The following RFTN2 variants were observed in gnomAD, a reference collection of about 807,000 sequenced individuals.
RFTN2 encodes raftlin-2.
In RFTN2, 34 loss-of-function variants were observed where a neutral mutation model predicts 52.7. The ratio of observed to expected loss-of-function variants is 0.64; its 90% CI spans 0.49 to 0.86. The LOEUF (loss-of-function observed/expected upper bound fraction) is 0.86. Among genes scored for constraint, RFTN2 ranks in the 40% least tolerant of loss-of-function variants. The pLI is 0.00. For synonymous variants in RFTN2, 203 were observed against 217.7 expected, an observed-to-expected ratio of 0.93 and a Z score of 0.59; for missense variants, 536 against 600.1, an observed-to-expected ratio of 0.89 and a Z score of 1.12.
intron 1 of RFTN2, among the ~76,000 whole-genome samples, chr2:197,660,852 C>A (rs1274732848): frequency 1.3e-5 from 2 of 152,092 alleles, no homozygotes; most frequent in Admixed American, 1.3e-4. Flanking sequence ...AGCCACTGCG[C>A]CCGGCCAAGT....
In RFTN2 at chr2:197,596,082, A is replaced by C; in HGVS notation, c.1155-13T>G. 6.5e-7 allele frequency: 1 copy of C among 1,536,330 alleles called. No homozygotes were observed. The highest frequency in any genetic ancestry group is 9.0e-7 in the Non-Finnish European group (1 of 1,110,078). ...CAAATTCCCTTCACTGCAAATTAAAACAATAGTATTAGTATTTGTGAGTTA... is the reference window on the plus strand; with the variant it reads ...CAAATTCCCTTCACTGCAAATTAAACCAATAGTATTAGTATTTGTGAGTTA... On this transcript the variant is annotated splice_polypyrimidine_tract_variant and intron_variant, in intron 7 of 8. Transcript: ENST00000295049.
In RFTN2 at chr2:197,585,998, A is replaced by G. The variant is rs1300022293; in HGVS notation, c.1233+9993T>C. 3.3e-5 allele frequency among the ~76,000 whole-genome samples: 5 copies of G among 152,134 alleles called. No individual in the cohort carries two copies. The South Asian group carries it at 8.3e-4, about 25-fold the overall frequency. On this transcript the variant is annotated intron_variant, in intron 8 of 8. Transcript: ENST00000295049. ...ACTGGAATTCCCTTTCACCTTCGTG[A>G]TGTTCCTTCACTCTTCATCTCCAAA...
intron 7 of RFTN2, among the ~76,000 whole-genome samples, chr2:197,606,173 G>A (rs1466855718): frequency 6.6e-6 from 1 of 151,978 alleles, no homozygotes; most frequent in Admixed American, 6.6e-5. Context: ...TCATCATCTT[G>A]GGGACATATC....
chr2:197,581,457 C>A (rs1464871335), intron 8 of RFTN2, among the ~76,000 whole-genome samples: 1 of 152,194 alleles, frequency 6.6e-6, no homozygotes, highest in Admixed American at 6.5e-5. Flanking sequence ...CTTACCTGGG[C>A]TCTACTGCCG....
chr2:197,624,199 G>A (rs1406792464), intron 5 of RFTN2, among the ~76,000 whole-genome samples: 3 of 152,158 alleles, frequency 2.0e-5, no homozygotes, highest in Non-Finnish European at 2.9e-5. Context: ...AAATTTAGGC[G>A]ATAAAGCAAT....
chr2:197,640,714 A>G (rs2088658205), intron 3 of RFTN2, among the ~76,000 whole-genome samples: 2 of 152,120 alleles, frequency 1.3e-5, no homozygotes, highest in Admixed American at 1.3e-4. Flanking sequence ...TCACGCCGGG[A>G]GCTGTAGACC....
intron 1 of RFTN2, among the ~76,000 whole-genome samples, chr2:197,673,189 C>G (rs560158875): frequency 2.4e-4 from 36 of 152,174 alleles, no homozygotes; most frequent in Non-Finnish European, 4.3e-4. Flanking sequence ...CCATGGTGGC[C>G]TCTGACAGGC....
intron 1 of RFTN2, among the ~76,000 whole-genome samples, chr2:197,666,115 C>A (rs1408214957): frequency 6.6e-6 from 1 of 151,462 alleles, no homozygotes; most frequent in Non-Finnish European, 1.5e-5. Context: ...GATGGAGTCT[C>A]ACTTTGTCAC....
chr2:197,646,557 T>C lies in RFTN2; in HGVS notation c.249A>G (p.Ile83Met). 6.2e-7 allele frequency: 1 copy of C among 1,613,978 alleles called. No homozygotes were observed. The highest frequency in any genetic ancestry group is 8.5e-7 in the Non-Finnish European group (1 of 1,179,826). ...GGTGTTTTCGCTGCCCCACAGGTTG[T>C]ATAACAGGATGAATAGCCCCGACAA... ...GYIVGAIHPVIQPVGQRKHLP... is the reference protein window; with the variant it reads ...GYIVGAIHPVMQPVGQRKHLP... Residue 83 changes from isoleucine (I) to methionine (M), a missense_variant, in exon 2 of 9, where the codon ATA becomes ATG. Physicochemically the swap from Ile to Met is conservative, Grantham distance 10. Transcript: ENST00000295049.
intron 1 of RFTN2, among the ~76,000 whole-genome samples, chr2:197,661,087 T>A (rs1041975356): frequency 6.6e-6 from 1 of 152,172 alleles, no homozygotes; most frequent in Non-Finnish European, 1.5e-5. Flanking sequence ...TTTAACTCTC[T>A]ACCTGTATGA....
In RFTN2 at chr2:197,569,453, C is replaced by T. The variant is rs990419700; in HGVS notation, c.*2555G>A. 4.6e-5 allele frequency: 7 copies of T among 152,100 alleles called. No homozygotes were observed. The highest frequency in any genetic ancestry group is 1.0e-4 in the Non-Finnish European group (7 of 68,022). 9.4% of individuals were successfully genotyped at this position (152,100 alleles called of 1,614,324 possible). On this transcript the variant is annotated 3_prime_UTR_variant, in exon 9 of 9. Transcript: ENST00000295049. The stretch of plus-strand genomic sequence containing the variant: ...GAACCACTTGATCATAAATTATTCG[C>T]TATCATACAAATTCATCACATAACT...
chr2:197,623,440 T>C (rs796515268), intron 5 of RFTN2, among the ~76,000 whole-genome samples: 8 of 152,336 alleles, frequency 5.3e-5, no homozygotes, highest in African/African-American at 1.9e-4. Context: ...GATGAGTTGC[T>C]TCTTATGGAT....
chr2:197,592,697 CA>C (rs1219576742), intron 8 of RFTN2, among the ~76,000 whole-genome samples: 1 of 152,166 alleles, frequency 6.6e-6, no homozygotes, highest in Non-Finnish European at 1.5e-5. Flanking sequence ...CAACCCCTTC[CA>C]AACAATAACT....
intron 1 of RFTN2, among the ~76,000 whole-genome samples, chr2:197,672,265 C>A (rs1162125752): frequency 6.6e-6 from 1 of 152,118 alleles, no homozygotes; most frequent in African/African-American, 2.4e-5. Context: ...TGTTTTATTT[C>A]TTTTATAGTA....
chr2:197,610,728 AGTATGATATTGGCT>A (rs2088043377), intron 7 of RFTN2, among the ~76,000 whole-genome samples: 1 of 152,232 alleles, frequency 6.6e-6, no homozygotes, highest in Non-Finnish European at 1.5e-5. Context: ...TTGCCCATTC[AGTATGATATTGGCT>A]GTGGGTTTGT....
intron 8 of RFTN2, among the ~76,000 whole-genome samples, chr2:197,587,489 C>T (rs1443194276): frequency 1.3e-5 from 2 of 152,082 alleles, no homozygotes; most frequent in Admixed American, 6.6e-5. Context: ...ATTCCTTCTC[C>T]TGGCTCAGAA....
chr2:197,609,801 G>A (rs2088026363), intron 7 of RFTN2, among the ~76,000 whole-genome samples: 1 of 152,156 alleles, frequency 6.6e-6, no homozygotes, highest in Non-Finnish European at 1.5e-5. Context: ...TGTATAAGAT[G>A]TAGGGAAGGG....
chr2:197,638,561 C>A (rs1481600170), intron 3 of RFTN2, among the ~76,000 whole-genome samples: 47 of 82,140 alleles, frequency 5.7e-4, no homozygotes, highest in African/African-American at 2.7e-3. Flanking sequence ...AGGATTGCAA[C>A]CCTTGCCTTT....
At chr2:197,600,327 G>A (rs1221044554) in intron 7 of RFTN2, among the ~76,000 whole-genome samples, 1 of 152,162 alleles carries the variant, frequency 6.6e-6, no homozygotes, top group East Asian at 1.9e-4. Flanking sequence ...ATAAGACTTT[G>A]GAAGGTCAGC....
Sources: allele counts gnomAD v4.1 joint callset (sites outside exome capture counted in the v4.1 genomes callset), GRCh38; gene constraint gnomAD v4.1.1; transcripts MANE v1.5; gene names NCBI Gene and HGNC (gene_info 2026-07-23, HGNC 2026-07-21).